The following MLIP variants were observed in gnomAD, a reference collection of about 807,000 sequenced individuals.
The protein encoded by MLIP is muscular LMNA interacting protein.
Under a neutral mutation model 84.8 loss-of-function variants are expected in MLIP, and 79 were observed. The ratio of observed to expected loss-of-function variants is 0.93; its 90% confidence interval spans 0.78 to 1.12. The LOEUF (loss-of-function observed/expected upper bound fraction) is 1.12. Among genes scored for constraint, MLIP ranks in the 50% most tolerant of loss-of-function variants. The pLI, the probability that MLIP is intolerant of heterozygous loss-of-function variation, is 0.00. For synonymous variants in MLIP, 504 were observed against 463.0 expected (o/e 1.09, Z -1.14); for missense variants, 1,257 against 1,160.6 (o/e 1.08, Z -1.21).
At chr6:54,180,297 A>G (rs551400508) in intron 9 of MLIP, among the ~76,000 whole-genome samples, 6 of 152,126 alleles carry the variant, frequency 3.9e-5, no homozygotes, top group African/African-American at 1.4e-4. Flanking sequence ...CCTTGAGGTC[A>G]TCTTCCTTGG....
Position 54,137,694 on chromosome 6 carries a change from C to T in MLIP, c.1625C>T (p.Thr542Ile). Residue 542 changes from threonine to isoleucine, a missense_variant, in exon 4 of 14, where the codon ACC becomes ATC. By Grantham distance (89) the Thr-to-Ile change is moderately conservative. Transcript: ENST00000502396. ...AATACCATGCTCTCCCTGCTACAAA[C>T]CAGTACATCCAGTTCTGTGGGTCTT... ...KSNTMLSLLQ[T>I]STSSSVGLPP... The T allele has an allele frequency of 6.5e-7, 1 of 1,536,092 alleles. No homozygotes were observed. The highest frequency in any genetic ancestry group is 2.4e-5 in the East Asian group (1 of 40,900).
chr6:54,147,136 T>G (rs1358795652), intron 4 of MLIP, among the ~76,000 whole-genome samples: 3 of 152,124 alleles, frequency 2.0e-5, no homozygotes, highest in Non-Finnish European at 1.5e-5. Context: ...AAAACCATCA[T>G]AGAGTGAGAT....
intron 1 of MLIP, among the ~76,000 whole-genome samples, chr6:54,071,988 A>G (rs1486711359): frequency 2.0e-5 from 3 of 152,182 alleles, no homozygotes; most frequent in Non-Finnish European, 4.4e-5. Context: ...AACATTATAA[A>G]ACATTAAGTT....
At chr6:54,260,788 T>A (rs975694031) in intron 13 of MLIP, among the ~76,000 whole-genome samples, 61 of 152,140 alleles carry the variant, frequency 4.0e-4, no homozygotes, top group African/African-American at 1.3e-3. Flanking sequence ...TAATACTTTA[T>A]TTTTGTTTGC....
At chr6:54,197,624 T>C (rs554013935) in intron 10 of MLIP, among the ~76,000 whole-genome samples, 2 of 152,256 alleles carry the variant, frequency 1.3e-5, no homozygotes, top group South Asian at 4.1e-4. Context: ...ATTACATTTT[T>C]TATTTTTCCA....
rs1779260125 is a variant in MLIP, at chr6:54,209,409, G to A, written c.2718+7176G>A. Among the ~76,000 whole-genome samples the A allele has an allele frequency of 2.0e-5, 3 of 152,292 alleles. No individual in the cohort carries two copies. The South Asian group carries it at 6.2e-4, about 32-fold the overall frequency. On this transcript the variant is annotated intron_variant, in intron 11 of 13. Transcript: ENST00000502396. ...AATAAAACAAAGGACAGCTTGTGAA[G>A]TTCAGCCTATGGAGAACAGAATCAA...
At chr6:54,106,847 G>A (rs1347354422), upstream of MLIP, among the ~76,000 whole-genome samples, 3 of 152,154 alleles carry the variant, frequency 2.0e-5, no homozygotes, top group African/African-American at 7.2e-5. Context: ...GAAATAAATT[G>A]GAATTCATTG....
At position 54,136,921 on chromosome 6, in the gene MLIP, T is replaced by C; in HGVS notation, c.852T>C (p.Ser284=). 1 of 1,536,036 alleles carries C rather than the reference T, an allele frequency of 6.5e-7. No individual in the cohort carries two copies. Among genetic ancestry groups the C allele is most frequent in the Non-Finnish European group, 8.7e-7 (1 of 1,146,868 alleles). ...SATYFQTTAH[S]TPFSASKGTS... Reference sequence around the variant, plus strand: ...CGTATTTTCAAACTACCGCTCACTCTACACCCTTTTCTGCATCGAAGGGCA... The same window carrying C: ...CGTATTTTCAAACTACCGCTCACTCCACACCCTTTTCTGCATCGAAGGGCA... The change falls in exon 4 of 14, where the codon TCT becomes TCC. Residue 284 remains serine (S), a synonymous_variant. Coordinates refer to ENST00000502396, the MANE Select transcript of MLIP (RefSeq NM_001281747.2).
chr6:54,019,196 T>A, intron 1 of MLIP: 1 of 1,144,748 alleles, frequency 8.7e-7, no homozygotes. Flanking sequence ...TCTGTTTCCA[T>A]GTTTTGCTGG....
chr6:54,055,155 G>C (rs573788223), intron 1 of MLIP, among the ~76,000 whole-genome samples: 2 of 152,212 alleles, frequency 1.3e-5, no homozygotes, highest in Non-Finnish European at 2.9e-5. Flanking sequence ...CAAAGTGTTG[G>C]GACTACTGGC....
At position 54,257,320 on chromosome 6, in the gene MLIP, A is replaced by G. The variant is rs767620868; in HGVS notation, c.2935A>G (p.Met979Val). ...CTTTTCTGTGAAGCTGAGTCATCCA[A>G]TGGTGGCTATTCCTGAACATGAAGC... is the stretch of plus-strand genomic sequence containing the variant. ...HNACNKLSHP[M>V]VAIPEHEALD... Residue 979 changes from methionine to valine, a missense_variant, in exon 13 of 14, where the codon ATG (methionine) becomes GTG (valine). Physicochemically the swap from Met to Val is conservative, Grantham distance 21. Transcript: ENST00000502396. 11 of 1,612,592 alleles carry G rather than the reference A, an allele frequency of 6.8e-6. No homozygotes were observed. Among genetic ancestry groups the G allele is most frequent in the African/African-American group, 1.3e-5 (1 of 74,946 alleles).
At chr6:54,163,098 T>C (rs1774821363) in intron 8 of MLIP, among the ~76,000 whole-genome samples, 1 of 151,554 alleles carries the variant, frequency 6.6e-6, no homozygotes, top group South Asian at 2.1e-4. Flanking sequence ...GCTTATGTGT[T>C]GGCATTCATT....
chr6:54,079,758 A>G (rs574115699), intron 1 of MLIP: 1 of 152,330 alleles, frequency 6.6e-6, no homozygotes, highest in South Asian at 2.1e-4. Flanking sequence ...ACCAAAAGCA[A>G]TAGTATCCTC....
intron 1 of MLIP, chr6:54,057,927 A>G (rs1765755717): frequency 6.6e-6 from 1 of 152,208 alleles, no homozygotes; most frequent in Non-Finnish European, 1.5e-5. Flanking sequence ...ATAGTATTTA[A>G]CAGGAGAAGA....
Position 54,202,113 on chromosome 6 carries a change from TG to T in MLIP, c.2600del (p.Gly867GlufsTer2). 6.3e-7 allele frequency: 1 copy of T among 1,584,826 alleles called. No homozygotes were observed. The highest frequency in any genetic ancestry group is 8.6e-7 in the Non-Finnish European group (1 of 1,164,106). ...ATTTTACATTCATGAAGACTAAGCC[TG>T]GAGTAATTCGCCCAGTACCTGTAAA... Reference protein sequence around the residue: ...TVSESQLTKPGVIRPVPVKSR... With the variant: ...TVSESQLTKPXVIRPVPVKSR... On this transcript the variant is annotated frameshift_variant, in exon 11 of 14. Transcript: ENST00000502396. LOFTEE classifies it high-confidence loss of function.
rs1202674132 is a variant in MLIP, at chr6:54,111,515, G to A, written c.36G>A (p.Gly12=). 5 of 1,535,846 alleles carry A rather than the reference G, an allele frequency of 3.3e-6. No individual in the cohort carries two copies. Among genetic ancestry groups the A allele is most frequent in the African/African-American group, 2.7e-5 (2 of 73,012 alleles). The stretch of plus-strand genomic sequence containing the variant: ...AACAGGGGCTTCTGAGTGACTGCGG[G>A]AACAATTACTTCCAAATGACCTCGT... ...LSEQGLLSDC[G]NNYFQMTSCI... is the part of the protein sequence containing the mutation. Residue 12 remains glycine (G), a synonymous_variant, in exon 1 of 14, where the codon GGG becomes GGA. Coordinates refer to ENST00000502396, the MANE Select transcript of MLIP (RefSeq NM_001281747.2).
At chr6:54,254,536 G>A (rs1782859717) in intron 12 of MLIP, among the ~76,000 whole-genome samples, 1 of 151,966 alleles carries the variant, frequency 6.6e-6, no homozygotes, top group South Asian at 2.1e-4. Context: ...GCATTACAAA[G>A]CCTCTGCAGT....
intron 10 of MLIP, among the ~76,000 whole-genome samples, chr6:54,201,290 G>A (rs1778660315): frequency 1.3e-5 from 2 of 152,096 alleles, no homozygotes; most frequent in Admixed American, 6.6e-5. Context: ...TAAATAAAAA[G>A]GTGTGTGTGT....
chr6:54,119,600 G>A (rs949542831), intron 1 of MLIP, among the ~76,000 whole-genome samples: 2 of 152,150 alleles, frequency 1.3e-5, no homozygotes, highest in African/African-American at 2.4e-5. Flanking sequence ...TTAGATAGAA[G>A]AAATAAGTTC....
Sources: allele counts gnomAD v4.1 joint callset (sites outside exome capture counted in the v4.1 genomes callset), GRCh38; gene constraint gnomAD v4.1.1; transcripts MANE v1.5; gene names NCBI Gene and HGNC (gene_info 2026-07-23, HGNC 2026-07-21).